The following DPH6 variants were observed in gnomAD, a reference collection of about 807,000 sequenced individuals.
DPH6 encodes diphthine--ammonia ligase.
DPH6 carries 33 observed loss-of-function variants against 38.2 expected under a neutral mutation model. The ratio of observed to expected loss-of-function variants is 0.86; its 90% CI spans 0.65 to 1.15. The LOEUF (loss-of-function observed/expected upper bound fraction) is 1.15. Ranked by LOEUF, DPH6 falls within the 50% of genes most tolerant of loss-of-function variation. DPH6 has a pLI of 0.00. For synonymous variants in DPH6, 108 were observed against 103.0 expected (o/e 1.05, Z -0.30); for missense variants, 325 against 320.0 (o/e 1.02, Z -0.12).
intron 3 of DPH6, among the ~76,000 whole-genome samples, chr15:35,285,051 C>T (rs1262126492): frequency 6.6e-6 from 1 of 151,878 alleles, no homozygotes; most frequent in Non-Finnish European, 1.5e-5. Context: ...CTCAAGTGAT[C>T]CTCCCACTTT....
intron 3 of DPH6, among the ~76,000 whole-genome samples, chr15:35,270,715 A>G (rs1384908756): frequency 6.6e-6 from 1 of 152,236 alleles, no homozygotes. Flanking sequence ...TTGTGTTTGT[A>G]GGGAATGACA....
At chr15:35,470,355 C>T (rs1022552613) in intron 3 of DPH6, among the ~76,000 whole-genome samples, 3 of 150,668 alleles carry the variant, frequency 2.0e-5, no homozygotes, top group Non-Finnish European at 3.0e-5. Context: ...ACAAAGAGGT[C>T]GAGGAATGAA....
At chr15:35,496,555 C>CAAAAAAAAA (rs1180094812) in intron 3 of DPH6, among the ~76,000 whole-genome samples, 144 of 49,182 alleles carry the variant, frequency 2.9e-3, no homozygotes, top group African/African-American at 0.016. Flanking sequence ...AGTTCCATCT[C>CAAAAAAAAA]AAAAAAAAAA....
chr15:35,462,019 C>T (rs1288463748), intron 3 of DPH6, among the ~76,000 whole-genome samples: 1 of 152,164 alleles, frequency 6.6e-6, no homozygotes, highest in Non-Finnish European at 1.5e-5. Context: ...GGAAATGGCA[C>T]AACATGTATA....
intron 3 of DPH6, among the ~76,000 whole-genome samples, chr15:35,290,276 C>G (rs1409764605): frequency 6.6e-6 from 1 of 152,194 alleles, no homozygotes; most frequent in Non-Finnish European, 1.5e-5. Flanking sequence ...TAGCTTTCTA[C>G]TTTACTTCCA....
At chr15:35,238,133 C>G (rs1398714931) in intron 3 of DPH6, 24 of 1,125,070 alleles carry the variant, frequency 2.1e-5, no homozygotes, top group Non-Finnish European at 2.7e-6. Context: ...CTCCCCCGCT[C>G]CAATCCTGCC....
At chr15:35,399,068 T>A (rs901309719) in intron 6 of DPH6, among the ~76,000 whole-genome samples, 2 of 152,160 alleles carry the variant, frequency 1.3e-5, no homozygotes, top group African/African-American at 2.4e-5. Context: ...CTCTTAAATA[T>A]TAGCATAATA....
intron 3 of DPH6, among the ~76,000 whole-genome samples, chr15:35,272,073 C>T (rs1310305549): frequency 6.6e-6 from 1 of 152,052 alleles, no homozygotes; most frequent in Non-Finnish European, 1.5e-5. Flanking sequence ...ATGGATTCTG[C>T]TTCTGTGGAT....
chr15:35,255,455 G>C (rs779792112), intron 3 of DPH6, among the ~76,000 whole-genome samples: 6 of 152,130 alleles, frequency 3.9e-5, no homozygotes, highest in South Asian at 2.1e-4. Flanking sequence ...TATCAGCATG[G>C]AGATATTCCT....
intron 6 of DPH6, among the ~76,000 whole-genome samples, chr15:35,384,759 C>G (rs2052924208): frequency 6.6e-6 from 1 of 151,848 alleles, no homozygotes; most frequent in Admixed American, 6.6e-5. Context: ...GGAGAAGGAA[C>G]AGCTACAAAT....
At chr15:35,225,328 T>C (rs2051473329) in intron 3 of DPH6, among the ~76,000 whole-genome samples, 1 of 152,216 alleles carries the variant, frequency 6.6e-6, no homozygotes, top group African/African-American at 2.4e-5. Flanking sequence ...TAAGGTGCTG[T>C]TTATCAGATT....
rs201383115 is a variant in DPH6 at position 35,454,766 on chromosome 15, G to A, written c.367C>T (p.Arg123Cys). The change falls in exon 4 of 9, where the codon CGT (arginine) becomes TGT (cysteine). Residue 123 changes from arginine (R) to cysteine (C), a missense_variant. Arg to Cys is a radical substitution (Grantham distance 180). Coordinates refer to ENST00000256538, the MANE Select transcript of DPH6 (RefSeq NM_080650.4). ...SVGAILSDYQ[R>C]IRVENVCKRL... ...TCTTACACATTTTCCACTCGAATACGCTGATAGTCAGAAAGTATAGCACCT... is the reference window on the plus strand; with the variant it reads ...TCTTACACATTTTCCACTCGAATACACTGATAGTCAGAAAGTATAGCACCT... 16 of 1,607,310 alleles carry A rather than the reference G, an allele frequency of 1.0e-5. No homozygotes were observed. Among genetic ancestry groups the A allele is most frequent in the African/African-American group, 5.4e-5 (4 of 74,652 alleles).
chr15:35,260,695 C>CT (rs910635322), intron 3 of DPH6, among the ~76,000 whole-genome samples: 32 of 151,640 alleles, frequency 2.1e-4, no homozygotes, highest in South Asian at 6.2e-4. Context: ...TTACCTACTT[C>CT]TTTTTTTTAC....
chr15:35,239,658 G>T, intron 3 of DPH6, among the ~76,000 whole-genome samples: 1 of 139,746 alleles, frequency 7.2e-6, no homozygotes, highest in Non-Finnish European at 1.6e-5. Context: ...CCGCTTTCCT[G>T]GGGCAGGGGC....
chr15:35,163,374 C>T, the DPH6 span, among the ~76,000 whole-genome samples: 1 of 151,856 alleles, frequency 6.6e-6, no homozygotes, highest in East Asian at 1.9e-4. Flanking sequence ...TAAAATGCAA[C>T]CTGTTATTTT....
At chr15:35,407,400 AC>A (rs1317303999) in intron 6 of DPH6, among the ~76,000 whole-genome samples, 1 of 151,934 alleles carries the variant, frequency 6.6e-6, no homozygotes, top group Non-Finnish European at 1.5e-5. Context: ...CACATAATAG[AC>A]CCTCAACAAA....
chr15:35,410,954 C>G, intron 5 of DPH6, 58 bp from the exon 6 acceptor site: 1 of 1,497,694 alleles, frequency 6.7e-7, no homozygotes, highest in East Asian at 2.3e-5. Flanking sequence ...TTTAAAGACA[C>G]ATTCCCCTTC....
At chr15:35,536,877 C>T (rs925528339) in intron 3 of DPH6, among the ~76,000 whole-genome samples, 1 of 152,002 alleles carries the variant, frequency 6.6e-6, no homozygotes, top group Non-Finnish European at 1.5e-5. Context: ...TTCTTTTAAG[C>T]CTTCTACCTT....
At position 35,507,775 on chromosome 15, in the gene DPH6, G is replaced by A. The variant is rs1435751376; in HGVS notation, c.312+30499C>T. ...AAAAATTCTCTCTGGAGGTTAGACT[G>A]TCATACTCTGGTTGGGTTTTCAACT... On this transcript the variant is annotated intron_variant, in intron 3 of 8. Transcript: ENST00000256538. Among the ~76,000 whole-genome samples the A allele has an allele frequency of 4.6e-5, 7 of 151,944 alleles. No homozygotes were observed. The East Asian group carries it at 1.3e-3, about 29-fold the overall frequency.
Sources: gnomAD v4.1 joint callset for allele counts (sites outside exome capture counted in the v4.1 genomes callset) on GRCh38, gnomAD v4.1.1 for gene constraint, MANE v1.5 for transcripts, NCBI Gene and HGNC (gene_info 2026-07-23, HGNC 2026-07-21) for gene names.